The following CPAMD8 variants were observed in gnomAD, a reference collection of about 807,000 sequenced individuals.
CPAMD8 encodes the protein C3 and PZP-like alpha-2-macroglobulin domain-containing protein 8.
CPAMD8 carries 146 observed loss-of-function variants against 224.7 expected under a neutral mutation model. The observed-to-expected ratio is 0.65, with a 90% CI of 0.57 to 0.75. The LOEUF (loss-of-function observed/expected upper bound fraction) is 0.75. CPAMD8 is among the 30% of genes least tolerant of loss of function. The pLI is 0.00. For missense variants in CPAMD8, 2,301 were observed against 2,537.5 expected, an observed-to-expected ratio of 0.91 and a Z score of 2.00; for synonymous variants, 966 against 1,044.6, an observed-to-expected ratio of 0.92 and a Z score of 1.45.
intron 7 of CPAMD8, among the ~76,000 whole-genome samples, chr19:17,007,506 GAAGA>G (rs2056525356): frequency 2.6e-5 from 4 of 151,898 alleles, no homozygotes; most frequent in South Asian, 4.2e-4. Flanking sequence ...AGAAGGAGAA[GAAGA>G]AAGAACAAGA....
intron 3 of CPAMD8, among the ~76,000 whole-genome samples, chr19:17,018,262 C>T (rs1189004725): frequency 6.6e-6 from 1 of 152,150 alleles, no homozygotes; most frequent in Admixed American, 6.6e-5. Flanking sequence ...CCAGGGCTTA[C>T]ATAATATCTG....
At chr19:16,906,906 G>T in intron 30 of CPAMD8, 46 bp downstream of exon 30, 1 of 1,531,980 alleles carries the variant, frequency 6.5e-7, no homozygotes. Context: ...ACTCCACAGT[G>T]GGCTTCCCGA....
intron 23 of CPAMD8, among the ~76,000 whole-genome samples, chr19:16,935,930 A>ATTTT (rs112965775): frequency 2.8e-5 from 4 of 141,712 alleles, no homozygotes; most frequent in Admixed American, 1.4e-4. Flanking sequence ...AGTGTTCACT[A>ATTTT]TTTTTTTTTT....
intron 32 of CPAMD8, 50 bp downstream of exon 32, chr19:16,904,176 A>AGGGGGGCCCC: frequency 1.1e-6 from 1 of 937,338 alleles, no homozygotes; most frequent in Non-Finnish European, 1.7e-6. Context: ...GACTGCAGGG[A>AGGGGGGCCCC]CCCCACCCAC....
intron 27 of CPAMD8, among the ~76,000 whole-genome samples, chr19:16,920,254 C>A (rs909248626): frequency 1.2e-4 from 18 of 151,788 alleles, no homozygotes; most frequent in Admixed American, 2.6e-4. Context: ...CCGAGGCGGG[C>A]GGATCACAAG....
rs985809667 is a variant in CPAMD8, at chr19:17,017,955, C to T, written c.267+2376G>A. ...GGCTGAGGCAGGAGAATCACTTGAACCCAGGAAGCGGAGGTTGCAGTGAGC... is the reference window on the plus strand; with the variant it reads ...GGCTGAGGCAGGAGAATCACTTGAATCCAGGAAGCGGAGGTTGCAGTGAGC... On this transcript the variant is annotated intron_variant, in intron 3 of 41. Coordinates refer to ENST00000443236, the MANE Select transcript of CPAMD8 (RefSeq NM_015692.5). Among the ~76,000 whole-genome samples the T allele has an allele frequency of 1.1e-4, 16 of 151,842 alleles. No individual in the cohort carries two copies. In the South Asian group the frequency reaches 1.5e-3, roughly 14 times the overall value.
At position 16,951,960 on chromosome 19, in the gene CPAMD8, G is replaced by A; in HGVS notation, c.2508+9C>T. On this transcript the variant is annotated intron_variant, in intron 20 of 41. Transcript: ENST00000443236. ...TGGAGGAAGGCTATGTATTTGGGGG[G>A]CTGAGTACCTCAGCGCAGGTGCCCA... is the stretch of plus-strand genomic sequence containing the variant. 2 of 1,513,548 alleles carry A rather than the reference G, an allele frequency of 1.3e-6. No individual in the cohort carries two copies. Among genetic ancestry groups the A allele is most frequent in the Non-Finnish European group, 1.8e-6 (2 of 1,110,470 alleles). 93.8% of individuals were successfully genotyped at this position (1,513,548 alleles called of 1,614,324 possible).
chr19:17,002,768 C>CT (rs952931657), intron 8 of CPAMD8, among the ~76,000 whole-genome samples: 8 of 152,156 alleles, frequency 5.3e-5, no homozygotes. Context: ...GGACTCAGCC[C>CT]TGGGAGTATC....
At chr19:16,911,060 G>A (rs1873869990) in intron 29 of CPAMD8, among the ~76,000 whole-genome samples, 1 of 152,234 alleles carries the variant, frequency 6.6e-6, no homozygotes, top group Non-Finnish European at 1.5e-5. Flanking sequence ...GGCAGCCACA[G>A]GAAATGAAGA....
At chr19:17,019,971 C>CTTTT (rs569150151) in intron 3 of CPAMD8, among the ~76,000 whole-genome samples, 12 of 97,876 alleles carry the variant, frequency 1.2e-4, no homozygotes, top group African/African-American at 1.2e-4. Context: ...TTTTTCTTTT[C>CTTTT]TTTTTTTTTT....
intron 16 of CPAMD8, among the ~76,000 whole-genome samples, chr19:16,975,742 G>C (rs1210158351): frequency 6.6e-6 from 1 of 152,182 alleles, no homozygotes; most frequent in East Asian, 1.9e-4. Context: ...GCAAATTGGA[G>C]CCAGAGAGGT....
rs1008239670 is a variant in CPAMD8, at chr19:17,021,878, A to G, written c.244+152T>C. 9 of 736,526 alleles carry G rather than the reference A, an allele frequency of 1.2e-5. No individual in the cohort carries two copies. The African/African-American group carries it at 1.4e-4, about 12-fold the overall frequency. 45.6% of individuals were successfully genotyped at this position (736,526 alleles called of 1,614,324 possible). A position where few individuals can be genotyped will look rare whatever the true frequency, so the allele number is the denominator to read the frequency against. ...CCATCTGTAGAATGAGGAGAATGCA[A>G]CCTGTCTTCCCTCCCTCCCTCCCAT... is the stretch of plus-strand genomic sequence containing the variant. On this transcript the variant is annotated intron_variant, in intron 2 of 41. Transcript: ENST00000443236.
intron 23 of CPAMD8, among the ~76,000 whole-genome samples, chr19:16,937,089 C>CT (rs112568256): frequency 5.2e-5 from 7 of 135,762 alleles, no homozygotes; most frequent in African/African-American, 1.9e-4. Flanking sequence ...TCCTTCCTTC[C>CT]TCCTTCCTTC....
rs1479102294 is a variant in CPAMD8 at position 16,975,187 on chromosome 19, C to A, written c.1980G>T (p.Trp660Cys). The A allele has an allele frequency of 5.0e-6, 8 of 1,611,582 alleles. No homozygotes were observed. Among genetic ancestry groups the A allele is most frequent in the Admixed American group, 1.7e-5 (1 of 59,504 alleles). The change falls in exon 17 of 42, where the codon TGG becomes TGT. Residue 660 changes from tryptophan (W) to cysteine (C), a missense_variant. By Grantham distance (215) the Trp-to-Cys change is radical (BLOSUM62 -2). This residue lies in a region of CPAMD8 where 1,709 missense variants were observed against 1,753.2 expected (regional missense o/e 0.97). Transcript: ENST00000443236. ...GTCGTTGTGCCGTCAGCCCAGCCCA[C>A]CAAAAAGGACCATCCTCCCTGGACA... is the stretch of plus-strand genomic sequence containing the variant. ...FGVSREDGPF[W>C]WAGLTAQRRR...
intron 1 of CPAMD8, among the ~76,000 whole-genome samples, chr19:17,023,369 C>A (rs2057006828): frequency 6.6e-6 from 1 of 152,058 alleles, no homozygotes; most frequent in Non-Finnish European, 1.5e-5. Flanking sequence ...TATCTGCAGC[C>A]TTCCATGGAA....
chr19:16,939,341 G>A (rs2053808065), intron 22 of CPAMD8, among the ~76,000 whole-genome samples: 1 of 151,988 alleles, frequency 6.6e-6, no homozygotes, highest in African/African-American at 2.4e-5. Context: ...CCAAGTAGCT[G>A]GGACTACAGG....
At chr19:16,985,274 G>A (rs553576299) in intron 13 of CPAMD8, among the ~76,000 whole-genome samples, 267 of 151,846 alleles carry the variant, frequency 1.8e-3, no homozygotes, top group Non-Finnish European at 3.0e-3. Flanking sequence ...AAGGGAGAGT[G>A]GATGAATGGA....
At chr19:16,944,790 A>G (rs1198308583) in intron 22 of CPAMD8, among the ~76,000 whole-genome samples, 1 of 152,128 alleles carries the variant, frequency 6.6e-6, no homozygotes, top group East Asian at 1.9e-4. Context: ...GACAGAAGCC[A>G]CTTGTGTTCA....
intron 27 of CPAMD8, among the ~76,000 whole-genome samples, chr19:16,921,209 G>C (rs1433935151): frequency 6.6e-6 from 1 of 152,120 alleles, no homozygotes; most frequent in African/African-American, 2.4e-5. Context: ...TGGGATCCTG[G>C]CACTGTGACT....
Sources: allele counts gnomAD v4.1 joint callset (sites outside exome capture counted in the v4.1 genomes callset), GRCh38; gene constraint gnomAD v4.1.1; regional missense constraint gnomAD v4.1.1; transcripts MANE v1.5; gene names NCBI Gene and HGNC (gene_info 2026-07-23, HGNC 2026-07-21).